QTMAN: variants seen among roughly 807,000 people sequenced by gnomAD.
QTMAN encodes queuosine-tRNA mannosyltransferase.
the QTMAN span, among the ~76,000 whole-genome samples, chr2:144,060,299 C>T: frequency 4.6e-5 from 7 of 151,450 alleles, no homozygotes; most frequent in Non-Finnish European, 7.4e-5. Flanking sequence ...TTTGCTCTTT[C>T]GCCCAGGCTA....
the QTMAN span, chr2:144,145,811 T>A: frequency 8.0e-7 from 1 of 1,242,840 alleles, no homozygotes; most frequent in Non-Finnish European, 1.1e-6. Flanking sequence ...TCTTCTCTCC[T>A]CTTTCCTCTT....
the QTMAN span, among the ~76,000 whole-genome samples, chr2:144,252,463 A>G: frequency 6.6e-6 from 1 of 152,240 alleles, no homozygotes; most frequent in South Asian, 2.1e-4. Context: ...TACACAAATG[A>G]CAAATAAGCA....
chr2:144,168,769 T>C, the QTMAN span, among the ~76,000 whole-genome samples: 4 of 152,138 alleles, frequency 2.6e-5, no homozygotes, highest in Non-Finnish European at 4.4e-5. Flanking sequence ...TTAAGAAAGT[T>C]ATAAAATGTT....
At chr2:144,097,244 T>G in the QTMAN span, among the ~76,000 whole-genome samples, 2 of 152,220 alleles carry the variant, frequency 1.3e-5, no homozygotes, top group Non-Finnish European at 2.9e-5. Context: ...TACTTCGAAT[T>G]CCAATACTCA....
chr2:143,983,175 C>T, the QTMAN span, among the ~76,000 whole-genome samples: 1 of 152,134 alleles, frequency 6.6e-6, no homozygotes, highest in Non-Finnish European at 1.5e-5. Context: ...CAGTCTGAGA[C>T]TTAATTTCCT....
At chr2:144,113,745 T>G in the QTMAN span, among the ~76,000 whole-genome samples, 1 of 152,236 alleles carries the variant, frequency 6.6e-6, no homozygotes, top group Non-Finnish European at 1.5e-5. Context: ...GAAAACAGTT[T>G]GAACAGTGGA....
At chr2:144,082,451 C>G in the QTMAN span, among the ~76,000 whole-genome samples, 2 of 152,192 alleles carry the variant, frequency 1.3e-5, no homozygotes, top group South Asian at 4.1e-4. Context: ...GTATTAAAAT[C>G]AAAGCACTGG....
the QTMAN span, among the ~76,000 whole-genome samples, chr2:144,285,414 A>G: frequency 1.3e-5 from 2 of 152,208 alleles, no homozygotes; most frequent in Non-Finnish European, 2.9e-5. Flanking sequence ...GTCCCTTTAA[A>G]TGTATCTCTG....
At chr2:144,139,230 G>C in the QTMAN span, among the ~76,000 whole-genome samples, 1 of 152,052 alleles carries the variant, frequency 6.6e-6, no homozygotes, top group African/African-American at 2.4e-5. Context: ...GCTTTTAGGA[G>C]AGTAGTTCTC....
At chr2:144,241,463 T>C in the QTMAN span, among the ~76,000 whole-genome samples, 2 of 152,212 alleles carry the variant, frequency 1.3e-5, no homozygotes, top group African/African-American at 4.8e-5. Context: ...ATACATTATA[T>C]AATTTAACCC....
At chr2:144,228,147 C>G in the QTMAN span, among the ~76,000 whole-genome samples, 1 of 152,176 alleles carries the variant, frequency 6.6e-6, no homozygotes, top group East Asian at 1.9e-4. Context: ...TGTGAACTAA[C>G]TGCCTTCTGA....
At chr2:143,969,035 C>T in the QTMAN span, among the ~76,000 whole-genome samples, 1 of 152,102 alleles carries the variant, frequency 6.6e-6, no homozygotes, top group Non-Finnish European at 1.5e-5. Flanking sequence ...ATATTTGGGC[C>T]CTACCCTACC....
At chr2:144,005,038 C>T in the QTMAN span, among the ~76,000 whole-genome samples, 2 of 151,958 alleles carry the variant, frequency 1.3e-5, no homozygotes, top group Non-Finnish European at 2.9e-5. Flanking sequence ...ATGCTGTGCT[C>T]TCTGTACAAC....
chr2:144,284,514 C>T, the QTMAN span, among the ~76,000 whole-genome samples: 7 of 152,100 alleles, frequency 4.6e-5, no homozygotes, highest in African/African-American at 4.8e-5. Flanking sequence ...AAAACATTAA[C>T]AGTCTGCCTC....
chr2:144,261,509 C>T, the QTMAN span, among the ~76,000 whole-genome samples: 5 of 152,120 alleles, frequency 3.3e-5, no homozygotes, highest in South Asian at 2.1e-4. Flanking sequence ...CCTCCAGTTG[C>T]TTTTTGAAAC....
At chr2:144,163,152 A>G in the QTMAN span, among the ~76,000 whole-genome samples, 1 of 152,154 alleles carries the variant, frequency 6.6e-6, no homozygotes, top group Non-Finnish European at 1.5e-5. Context: ...TAAATATACT[A>G]TTATTAAAGC....
chr2:144,197,302 TG>T, the QTMAN span, among the ~76,000 whole-genome samples: 2 of 150,718 alleles, frequency 1.3e-5, no homozygotes, highest in Non-Finnish European at 3.0e-5. Flanking sequence ...TATTTGTGTG[TG>T]TGTGTGTGTG....
the QTMAN span, among the ~76,000 whole-genome samples, chr2:144,327,771 G>A: frequency 3.1e-4 from 47 of 152,060 alleles, 2 homozygotes; most frequent in Admixed American, 3.1e-3. Flanking sequence ...GCCCCCTAAA[G>A]GTAGGGGAGA....
chr2:144,180,220 TCTTTA>T, the QTMAN span, among the ~76,000 whole-genome samples: 3 of 152,220 alleles, frequency 2.0e-5, no homozygotes. Flanking sequence ...TTTCATTTTT[TCTTTA>T]CTTTTTTTTT....
Sources: gnomAD v4.1 joint callset for allele counts (sites outside exome capture counted in the v4.1 genomes callset) on GRCh38, gnomAD v4.1.1 for gene constraint, MANE v1.5 for transcripts, NCBI Gene and HGNC (gene_info 2026-07-23, HGNC 2026-07-21) for gene names.